Variants in MAP7 observed in about 807,000 individuals in gnomAD.
MAP7 encodes ensconsin.
A neutral mutation model predicts 94.8 loss-of-function variants in MAP7; 52 were observed. The observed-to-expected ratio is 0.55, with a 90% confidence interval of 0.44 to 0.69. The LOEUF is 0.69. Ranked by LOEUF, MAP7 falls within the 30% of genes least tolerant of loss-of-function variation. The pLI is 0.00. For missense variants in MAP7, 940 were observed against 964.6 expected, an observed-to-expected ratio of 0.97 and a Z score of 0.34; for synonymous variants, 350 against 357.0, an observed-to-expected ratio of 0.98 and a Z score of 0.22.
At chr6:136,362,385 G>T in intron 11 of MAP7, 65 bp downstream of exon 11, 1 of 1,575,516 alleles carries the variant, frequency 6.3e-7, no homozygotes, top group Non-Finnish European at 8.6e-7. Flanking sequence ...CTCCCTCTCA[G>T]AGGGGTGATG....
intron 2 of MAP7, among the ~76,000 whole-genome samples, chr6:136,412,209 A>C (rs1421681480): frequency 6.6e-6 from 1 of 152,220 alleles, no homozygotes; most frequent in Non-Finnish European, 1.5e-5. Context: ...TATTACCTGT[A>C]AAATGAGGAT....
At position 136,371,449 on chromosome 6, in the gene MAP7, C is replaced by A. The variant is rs1562323760; in HGVS notation, c.876+1052G>T. 2.0e-5 allele frequency among the ~76,000 whole-genome samples: 3 copies of A among 152,258 alleles called. 1 individual carries two copies. In the South Asian group the frequency reaches 6.2e-4, roughly 32 times the overall value. ...CACCTGTGGCTTAGAGGGTTGGAGG[C>A]CTGACTCAATCATGAATCAAACACT... On this transcript the variant is annotated intron_variant, in intron 8 of 17. Transcript: ENST00000354570.
Position 136,411,614 on chromosome 6 carries a change from G to A in MAP7, c.244+6C>T, listed in dbSNP as rs1280704754. 6.4e-7 allele frequency: 1 copy of A among 1,557,180 alleles called. No individual in the cohort carries two copies. The highest frequency in any genetic ancestry group is 1.2e-5 in the South Asian group (1 of 84,522). ...ATCAGGGCCATGGACACGGGGCCTGGGGTACCTAGCTGTTTCTCCCGTTCC... is the reference window on the plus strand; with the variant it reads ...ATCAGGGCCATGGACACGGGGCCTGAGGTACCTAGCTGTTTCTCCCGTTCC... On this transcript the variant is annotated splice_donor_region_variant and intron_variant, in intron 3 of 17. Coordinates refer to ENST00000354570, the MANE Select transcript of MAP7 (RefSeq NM_003980.6).
At chr6:136,448,148 C>T (rs962511817) in intron 1 of MAP7, among the ~76,000 whole-genome samples, 3 of 152,032 alleles carry the variant, frequency 2.0e-5, no homozygotes, top group East Asian at 1.9e-4. Context: ...GCCGAGATCA[C>T]GCCACTGCAC....
chr6:136,375,664 T>G (rs183748924), intron 7 of MAP7, among the ~76,000 whole-genome samples: 65 of 152,350 alleles, frequency 4.3e-4, no homozygotes, highest in African/African-American at 1.5e-3. Context: ...CCAGGAATTT[T>G]GGTTCATTAA....
chr6:136,461,750 C>A (rs1805291672), intron 1 of MAP7, among the ~76,000 whole-genome samples: 3 of 152,112 alleles, frequency 2.0e-5, no homozygotes, highest in Non-Finnish European at 4.4e-5. Flanking sequence ...AACTATGGAT[C>A]AACACATATA....
chr6:136,415,442 A>C (rs1325032450), intron 2 of MAP7, among the ~76,000 whole-genome samples: 1 of 152,194 alleles, frequency 6.6e-6, no homozygotes, highest in Non-Finnish European at 1.5e-5. Context: ...AATTTCATAC[A>C]AAATTTTGAA....
At chr6:136,523,833 G>A (rs1214333182) in intron 1 of MAP7, among the ~76,000 whole-genome samples, 3 of 152,134 alleles carry the variant, frequency 2.0e-5, no homozygotes, top group Non-Finnish European at 4.4e-5. Context: ...CCAAAAATAA[G>A]TAGGTTTTTC....
intron 1 of MAP7, among the ~76,000 whole-genome samples, chr6:136,444,518 G>A (rs1798762877): frequency 6.6e-6 from 1 of 152,170 alleles, no homozygotes; most frequent in South Asian, 2.1e-4. Flanking sequence ...TTCAGAATTT[G>A]ATGGGAACTG....
At chr6:136,368,138 G>A (rs1794787164) in intron 8 of MAP7, among the ~76,000 whole-genome samples, 1 of 151,886 alleles carries the variant, frequency 6.6e-6, no homozygotes. Context: ...AGGGGTAGGT[G>A]AGCAGAGGAG....
At chr6:136,398,047 T>C (rs570768062) in intron 3 of MAP7, among the ~76,000 whole-genome samples, 2 of 152,342 alleles carry the variant, frequency 1.3e-5, no homozygotes, top group East Asian at 3.9e-4. Context: ...GACACCAAGA[T>C]ATTTTAATGA....
intron 1 of MAP7, among the ~76,000 whole-genome samples, chr6:136,451,572 G>A (rs1478695683): frequency 2.6e-5 from 4 of 152,314 alleles, no homozygotes; most frequent in Middle Eastern, 6.8e-3. Context: ...GGATAAAGAA[G>A]TAATTCTGAC....
Position 136,346,058 on chromosome 6 carries a change from T to C in MAP7, c.2037A>G (p.Gln679=). ...TVESTPDLEK[Q]PNENGVSVQN... ...GAACAGATACACCATTTTCATTTGG[T>C]TGTTTTTCCAAATCGGGAGTGCTAA... The change falls in exon 17 of 18, where the codon CAA becomes CAG. Residue 679 remains glutamine, a synonymous_variant. Coordinates refer to ENST00000354570, the MANE Select transcript of MAP7 (RefSeq NM_003980.6). 1.2e-6 allele frequency: 2 copies of C among 1,611,960 alleles called. No individual in the cohort carries two copies. Among genetic ancestry groups the C allele is most frequent in the Non-Finnish European group, 1.7e-6 (2 of 1,178,660 alleles).
intron 3 of MAP7, among the ~76,000 whole-genome samples, chr6:136,411,393 C>T (rs945029252): frequency 6.6e-5 from 10 of 152,194 alleles, no homozygotes; most frequent in Non-Finnish European, 1.5e-5. Context: ...CTCATATATA[C>T]TTTCCCTCCA....
chr6:136,399,032 C>A (rs1783316464), intron 3 of MAP7, among the ~76,000 whole-genome samples: 1 of 152,202 alleles, frequency 6.6e-6, no homozygotes, highest in Admixed American at 6.5e-5. Flanking sequence ...CATCACTTAA[C>A]CTCTGAAATA....
At chr6:136,383,578 G>T in intron 6 of MAP7, 93 bp downstream of exon 6, 1 of 662,886 alleles carries the variant, frequency 1.5e-6, no homozygotes, top group Non-Finnish European at 2.5e-6. Flanking sequence ...CGTAGGGAAA[G>T]CAACTTCAGA....
At chr6:136,444,291 G>A (rs1798701076) in intron 1 of MAP7, among the ~76,000 whole-genome samples, 1 of 152,156 alleles carries the variant, frequency 6.6e-6, no homozygotes, top group South Asian at 2.1e-4. Flanking sequence ...CTAGGGTTGG[G>A]TCTGGGAATT....
chr6:136,503,904 C>T (rs547587564), intron 1 of MAP7, among the ~76,000 whole-genome samples: 1 of 152,230 alleles, frequency 6.6e-6, no homozygotes, highest in East Asian at 1.9e-4. Flanking sequence ...AAAGAGAGCA[C>T]TATAAAAAGT....
At chr6:136,408,158 AAG>A (rs1284697453) in intron 3 of MAP7, among the ~76,000 whole-genome samples, 1 of 152,152 alleles carries the variant, frequency 6.6e-6, no homozygotes, top group Admixed American at 6.5e-5. Flanking sequence ...TGCAGAAGTC[AAG>A]AGAGAGAGTT....
Sources: allele counts gnomAD v4.1 joint callset (sites outside exome capture counted in the v4.1 genomes callset), GRCh38; gene constraint gnomAD v4.1.1; transcripts MANE v1.5; gene names NCBI Gene and HGNC (gene_info 2026-07-23, HGNC 2026-07-21).